NAALADL2: variants seen among roughly 807,000 people sequenced by gnomAD.
NAALADL2 encodes the protein N-acetylated alpha-linked acidic dipeptidase like 2.
In NAALADL2, 76 loss-of-function variants were observed where a neutral mutation model predicts 87.2. The ratio of observed to expected loss-of-function variants is 0.87; its 90% CI spans 0.72 to 1.05. The LOEUF (loss-of-function observed/expected upper bound fraction) is 1.05. Ranked by LOEUF, NAALADL2 falls within the 50% of genes least tolerant of loss-of-function variation. The probability of loss-of-function intolerance (pLI) is 0.00; values close to 1 mark genes in which losing one functional copy is unlikely to be tolerated. For synonymous variants in NAALADL2, 354 were observed against 331.0 expected, an observed-to-expected ratio of 1.07 and a Z score of -0.75; for missense variants, 1,089 against 945.8, an observed-to-expected ratio of 1.15 and a Z score of -1.99.
intron 1 of NAALADL2, among the ~76,000 whole-genome samples, chr3:175,057,760 T>C (rs1452269503): frequency 6.6e-6 from 1 of 152,230 alleles, no homozygotes; most frequent in Non-Finnish European, 1.5e-5. Context: ...GATCGTTGGC[T>C]GTTAAAATCC....
At chr3:175,081,872 C>T (rs943931203) in intron 1 of NAALADL2, among the ~76,000 whole-genome samples, 8 of 151,994 alleles carry the variant, frequency 5.3e-5, no homozygotes, top group Middle Eastern at 3.2e-3. Flanking sequence ...TAATATTGTA[C>T]GCATATTGTT....
chr3:175,230,809 CA>C (rs1744839422), intron 2 of NAALADL2, among the ~76,000 whole-genome samples: 1 of 151,990 alleles, frequency 6.6e-6, no homozygotes, highest in Admixed American at 6.6e-5. Flanking sequence ...GTAGAACTGT[CA>C]TAAAAAGATG....
intron 9 of NAALADL2, among the ~76,000 whole-genome samples, chr3:175,520,942 A>G (rs2149418605): frequency 6.6e-6 from 1 of 152,310 alleles, no homozygotes; most frequent in East Asian, 1.9e-4. Flanking sequence ...ATCAAGGATT[A>G]GAATCTAAAA....
At chr3:174,774,953 C>T (rs746599062) in intron 3 of NAALADL2, among the ~76,000 whole-genome samples, 6 of 152,002 alleles carry the variant, frequency 3.9e-5, no homozygotes, top group African/African-American at 9.7e-5. Context: ...TTCTCACAAA[C>T]GGAAAAGTTA....
chr3:174,566,445 C>A (rs968907392), intron 2 of NAALADL2, among the ~76,000 whole-genome samples: 6 of 151,778 alleles, frequency 4.0e-5, no homozygotes, highest in African/African-American at 1.4e-4. Flanking sequence ...TTCACCTCCT[C>A]TTTTTACCTG....
chr3:174,546,012 T>G (rs2108478967), intron 1 of NAALADL2, among the ~76,000 whole-genome samples: 1 of 151,930 alleles, frequency 6.6e-6, no homozygotes, highest in South Asian at 2.1e-4. Flanking sequence ...TTTTTTGGTC[T>G]TTTTCATGTT....
intron 10 of NAALADL2, among the ~76,000 whole-genome samples, chr3:175,592,646 A>G (rs1057037989): frequency 6.6e-6 from 1 of 150,546 alleles, no homozygotes; most frequent in Non-Finnish European, 1.5e-5. Flanking sequence ...AGAACAAAAA[A>G]TCAAACACTG....
intron 1 of NAALADL2, among the ~76,000 whole-genome samples, chr3:175,036,032 A>G (rs1478306282): frequency 6.6e-6 from 1 of 152,228 alleles, no homozygotes; most frequent in Non-Finnish European, 1.5e-5. Context: ...AGATAAAAGG[A>G]TACTCAACAA....
chr3:174,943,968 G>A (rs1347750461), intron 1 of NAALADL2, among the ~76,000 whole-genome samples: 1 of 152,138 alleles, frequency 6.6e-6, no homozygotes, highest in Non-Finnish European at 1.5e-5. Context: ...GGGGGTAACT[G>A]GAGGCCCAGG....
chr3:174,454,980 T>A (rs1577948408), intron 1 of NAALADL2, among the ~76,000 whole-genome samples: 1 of 145,560 alleles, frequency 6.9e-6, no homozygotes. Flanking sequence ...ATTACTAAAA[T>A]AGGCCCCTAG....
chr3:174,636,342 A>T (rs2108714457), intron 2 of NAALADL2, among the ~76,000 whole-genome samples: 1 of 152,320 alleles, frequency 6.6e-6, no homozygotes, highest in Non-Finnish European at 1.5e-5. Flanking sequence ...GACAAATGAG[A>T]CTATATTAAA....
At chr3:175,677,795 G>A (rs1200556035) in intron 11 of NAALADL2, among the ~76,000 whole-genome samples, 1 of 152,154 alleles carries the variant, frequency 6.6e-6, no homozygotes, top group Non-Finnish European at 1.5e-5. Flanking sequence ...GTGAAGGAGC[G>A]AGTTTATGAA....
chr3:175,585,031 T>G (rs1394194708), intron 10 of NAALADL2, among the ~76,000 whole-genome samples: 2 of 152,080 alleles, frequency 1.3e-5, no homozygotes, highest in Admixed American at 6.6e-5. Context: ...TTTTTTAACT[T>G]TTTGACCCTT....
intron 12 of NAALADL2, among the ~76,000 whole-genome samples, chr3:175,754,029 C>T (rs185059954): frequency 6.6e-6 from 1 of 152,076 alleles, no homozygotes; most frequent in Non-Finnish European, 1.5e-5. Flanking sequence ...TCACTTAAAG[C>T]CTGATTCTAA....
intron 6 of NAALADL2, among the ~76,000 whole-genome samples, chr3:175,449,264 G>A (rs188243515): frequency 1.3e-5 from 2 of 152,156 alleles, no homozygotes; most frequent in African/African-American, 4.8e-5. Flanking sequence ...TCTTGTTGTA[G>A]AGACAGGATC....
At chr3:174,536,302 A>T (rs1721715362) in intron 1 of NAALADL2, among the ~76,000 whole-genome samples, 3 of 152,178 alleles carry the variant, frequency 2.0e-5, no homozygotes, top group Admixed American at 1.3e-4. Context: ...ATGGCTATTC[A>T]GGACTGGCTA....
At chr3:175,568,380 C>T (rs1009269126) in intron 9 of NAALADL2, among the ~76,000 whole-genome samples, 3 of 151,686 alleles carry the variant, frequency 2.0e-5, no homozygotes, top group Non-Finnish European at 4.4e-5. Flanking sequence ...ATTATAGATG[C>T]GTAGTTTGTT....
chr3:174,676,574 T>C lies in NAALADL2; in HGVS notation c.-114-61067T>C, dbSNP rs574353259. Among the ~76,000 whole-genome samples, 11 of 152,126 alleles carry C rather than the reference T, an allele frequency of 7.2e-5. No individual in the cohort carries two copies. The East Asian group carries it at 1.9e-3, about 27-fold the overall frequency. Reference sequence around the variant, plus strand: ...CTGAAATCCTACAACTATGCACTTTTGACTTTTTTGTAACACCTTAAAGAT... The same window carrying C: ...CTGAAATCCTACAACTATGCACTTTCGACTTTTTTGTAACACCTTAAAGAT... On this transcript the variant is annotated intron_variant, in intron 2 of 3. Transcript: ENST00000434257.
intron 7 of NAALADL2, among the ~76,000 whole-genome samples, chr3:175,464,435 A>AG (rs1250695348): frequency 6.6e-6 from 1 of 152,084 alleles, no homozygotes; most frequent in Non-Finnish European, 1.5e-5. Flanking sequence ...AAAAAAAAAA[A>AG]AAAAATTGAA....
Sources: allele counts gnomAD v4.1 joint callset (sites outside exome capture counted in the v4.1 genomes callset), GRCh38; gene constraint gnomAD v4.1.1; transcripts MANE v1.5; gene names NCBI Gene and HGNC (gene_info 2026-07-23, HGNC 2026-07-21).